ARHGAP32: variants seen among roughly 807,000 people sequenced by gnomAD.
ARHGAP32 encodes Rho GTPase activating protein 32.
Under a neutral mutation model 186.5 loss-of-function variants are expected in ARHGAP32, and 51 were observed. That is an observed-to-expected ratio of 0.27 (90% confidence interval 0.22 to 0.35). The LOEUF (loss-of-function observed/expected upper bound fraction) is 0.35. ARHGAP32 is among the 10% of genes least tolerant of loss of function. The pLI is 1.00. For synonymous variants in ARHGAP32, 950 were observed against 964.3 expected (o/e 0.99, Z 0.27); for missense variants, 2,186 against 2,623.5 (o/e 0.83, Z 3.64).
At chr11:129,060,562 T>A (rs577104035) in intron 10 of ARHGAP32, among the ~76,000 whole-genome samples, 1 of 152,252 alleles carries the variant, frequency 6.6e-6, no homozygotes. Context: ...ACTGTAGTCT[T>A]CTATTTAGTT....
upstream of ARHGAP32, among the ~76,000 whole-genome samples, chr11:129,279,514 G>C (rs983946318): frequency 6.9e-6 from 1 of 144,640 alleles, no homozygotes. Context: ...GGCCGCCCCC[G>C]CAGCGCCCCC....
chr11:129,079,276 G>A (rs535998756), intron 6 of ARHGAP32, among the ~76,000 whole-genome samples: 6 of 152,194 alleles, frequency 3.9e-5, no homozygotes, highest in Admixed American at 3.3e-4. Flanking sequence ...GAAATTCATC[G>A]CAAAATGATC....
chr11:129,149,080 A>C (rs1350760393), intron 2 of ARHGAP32, among the ~76,000 whole-genome samples: 3 of 152,082 alleles, frequency 2.0e-5, no homozygotes, highest in African/African-American at 7.2e-5. Flanking sequence ...CACCTGACAA[A>C]CTAAAATCCT....
chr11:129,150,570 C>T (rs1943266782), intron 2 of ARHGAP32, among the ~76,000 whole-genome samples: 1 of 152,106 alleles, frequency 6.6e-6, no homozygotes, highest in Admixed American at 6.5e-5. Context: ...CTTTAGCCCC[C>T]TTAAACAAAA....
rs1945323279 is a variant in ARHGAP32 at position 128,970,199 on chromosome 11, T to A, written c.5014A>T (p.Ser1672Cys). 6.2e-7 allele frequency: 1 copy of A among 1,614,070 alleles called. No homozygotes were observed. Among genetic ancestry groups the A allele is most frequent in the Non-Finnish European group, 8.5e-7 (1 of 1,180,042 alleles). Reference sequence around the variant, plus strand: ...GCCCCATCTGGACTGTAATAGGAACTAGAAGAACTGGAATATGGGCTATAC... The same window carrying A: ...GCCCCATCTGGACTGTAATAGGAACAAGAAGAACTGGAATATGGGCTATAC... ...YRYSPYSSSS[S>C]SYYSPDGALC... Residue 1672 changes from serine to cysteine, a missense_variant, in exon 23 of 23, where the codon AGT (serine) becomes TGT (cysteine). By Grantham distance (112) the Ser-to-Cys change is moderately radical. Transcript: ENST00000682385. This position sits in a 1 kb window ranked among gnomAD's most constrained non-coding sequence, Gnocchi z 5.8.
At chr11:129,095,424 T>C (rs1220234632) in intron 5 of ARHGAP32, among the ~76,000 whole-genome samples, 1 of 151,814 alleles carries the variant, frequency 6.6e-6, no homozygotes, top group Non-Finnish European at 1.5e-5. Context: ...TAGCAGAGAG[T>C]TGACACTCAC....
intron 1 of ARHGAP32, among the ~76,000 whole-genome samples, chr11:129,238,861 G>C (rs1944977464): frequency 6.6e-6 from 1 of 151,704 alleles, no homozygotes; most frequent in African/African-American, 2.4e-5. Context: ...TTGAAACAGG[G>C]TCTCACTCTG....
Position 129,164,443 on chromosome 11 carries a change from CG to C in ARHGAP32, c.117-17del. The C allele has an allele frequency of 7.2e-7, 1 of 1,383,596 alleles. No homozygotes were observed. The highest frequency in any genetic ancestry group is 1.8e-4 in the Middle Eastern group (1 of 5,578). The allele number at this position is 1,383,596 out of a possible 1,614,324, so 85.7% of individuals were successfully genotyped here. On this transcript the variant is annotated splice_polypyrimidine_tract_variant and intron_variant, in intron 1 of 22. Coordinates refer to ENST00000682385, the MANE Select transcript of ARHGAP32 (RefSeq NM_001378024.1). ...CTTCATCTTCCTAGAGATCAAAACA[CG>C]AAAGATTCTGATAAGAATTTCCAAT... is the stretch of plus-strand genomic sequence containing the variant.
At chr11:129,178,922 C>T (rs951659885) in intron 1 of ARHGAP32, among the ~76,000 whole-genome samples, 12 of 152,140 alleles carry the variant, frequency 7.9e-5, no homozygotes, top group South Asian at 2.1e-4. Flanking sequence ...GCAATGCCAA[C>T]AAGAGCCAAA....
chr11:129,176,691 G>A (rs1348393585), intron 1 of ARHGAP32, among the ~76,000 whole-genome samples: 15 of 149,960 alleles, frequency 1.0e-4, no homozygotes, highest in South Asian at 8.5e-4. Context: ...TGACTACTGG[G>A]TACATAACGA....
At chr11:129,189,418 G>C (rs1436235053) in intron 1 of ARHGAP32, among the ~76,000 whole-genome samples, 1 of 152,070 alleles carries the variant, frequency 6.6e-6, no homozygotes, top group Non-Finnish European at 1.5e-5. Flanking sequence ...CATATATATG[G>C]CCTAGTACAT....
intron 11 of ARHGAP32, among the ~76,000 whole-genome samples, chr11:129,005,570 T>A (rs1292659310): frequency 6.6e-6 from 1 of 152,214 alleles, no homozygotes; most frequent in African/African-American, 2.4e-5. Context: ...AAATATGTCA[T>A]GCCACTCATT....
chr11:129,274,095 A>G (rs1945503928), intron 1 of ARHGAP32, among the ~76,000 whole-genome samples: 1 of 151,738 alleles, frequency 6.6e-6, no homozygotes, highest in Non-Finnish European at 1.5e-5. Flanking sequence ...TGTTTTTCTC[A>G]TGAGAAATTA....
chr11:129,125,023 C>G (rs1440963266), intron 2 of ARHGAP32, 129 bp from the exon 3 acceptor site: 1 of 535,944 alleles, frequency 1.9e-6, no homozygotes, highest in Admixed American at 3.6e-5. Flanking sequence ...GTTTAATAAT[C>G]TTAAAATTAC....
chr11:129,064,407 T>C (rs1055106991), intron 8 of ARHGAP32, among the ~76,000 whole-genome samples: 1 of 152,142 alleles, frequency 6.6e-6, no homozygotes, highest in Non-Finnish European at 1.5e-5. Flanking sequence ...GAGAAAACAA[T>C]ATAACTCTAC....
At chr11:129,053,544 C>G (rs1565398040) in intron 10 of ARHGAP32, among the ~76,000 whole-genome samples, 2 of 152,160 alleles carry the variant, frequency 1.3e-5, no homozygotes, top group Non-Finnish European at 2.9e-5. Flanking sequence ...TTACCATGCT[C>G]TGTTATATGC....
chr11:129,103,573 A>G (rs1208520117), intron 5 of ARHGAP32, among the ~76,000 whole-genome samples: 1 of 152,056 alleles, frequency 6.6e-6, no homozygotes, highest in Non-Finnish European at 1.5e-5. Context: ...AACTAAATGA[A>G]TAAATCAGTA....
intron 15 of ARHGAP32, 32 bp from the exon 16 acceptor site, chr11:128,981,968 G>A: frequency 7.4e-7 from 1 of 1,346,568 alleles, no homozygotes; most frequent in Non-Finnish European, 1.1e-6. Flanking sequence ...TTAACAGAAA[G>A]AAACATGATG....
chr11:129,055,746 A>G (rs1414815040), intron 10 of ARHGAP32, among the ~76,000 whole-genome samples: 1 of 152,218 alleles, frequency 6.6e-6, no homozygotes. Flanking sequence ...GTGAAAGATC[A>G]CAGGTTGTGA....
Sources: gnomAD v4.1 joint callset for allele counts (sites outside exome capture counted in the v4.1 genomes callset) on GRCh38, gnomAD v4.1.1 for gene constraint, Gnocchi (gnomAD v3.1) non-coding constraint, MANE v1.5 for transcripts, NCBI Gene and HGNC (gene_info 2026-07-23, HGNC 2026-07-21) for gene names.